ATL1: variants seen among roughly 807,000 people sequenced by gnomAD.
The protein encoded by ATL1 is atlastin-1.
A neutral mutation model predicts 75.5 loss-of-function variants in ATL1; 31 were observed. The ratio of observed to expected loss-of-function variants is 0.41; its 90% CI spans 0.31 to 0.55. The LOEUF is 0.55. ATL1 is among the 20% of genes least tolerant of loss of function. The pLI is 0.27. For missense variants in ATL1, 405 were observed against 662.6 expected, an observed-to-expected ratio of 0.61 and a Z score of 4.27; for synonymous variants, 226 against 233.3, an observed-to-expected ratio of 0.97 and a Z score of 0.28.
intron 1 of ATL1, among the ~76,000 whole-genome samples, chr14:50,547,700 G>A (rs922351897): frequency 6.6e-6 from 1 of 152,156 alleles, no homozygotes; most frequent in Non-Finnish European, 1.5e-5. Flanking sequence ...AAATGAGGTG[G>A]TGCTGCTTGT....
intron 8 of ATL1, among the ~76,000 whole-genome samples, chr14:50,617,042 A>G (rs1179586801): frequency 6.6e-6 from 1 of 152,206 alleles, no homozygotes; most frequent in Non-Finnish European, 1.5e-5. Context: ...TTGTTCTTTG[A>G]TAATAGTTTC....
In ATL1 at chr14:50,576,958, C is replaced by T. The variant is rs192036200; in HGVS notation, c.35-10873C>T. ...ATGAGTCGAGTACATAATATTTGTTCTTAGTAATACCCTGAAGTCCAATAT... is the reference window on the plus strand; with the variant it reads ...ATGAGTCGAGTACATAATATTTGTTTTTAGTAATACCCTGAAGTCCAATAT... On this transcript the variant is annotated intron_variant, in intron 1 of 13. Coordinates refer to ENST00000358385, the MANE Select transcript of ATL1 (RefSeq NM_015915.5). Among the ~76,000 whole-genome samples, 22 of 152,044 alleles carry T rather than the reference C, an allele frequency of 1.4e-4. No individual in the cohort carries two copies. In the East Asian group the frequency reaches 4.2e-3, roughly 29 times the overall value.
chr14:50,629,983 C>T lies in ATL1; in HGVS notation c.1552-12C>T. 1.3e-6 allele frequency: 2 copies of T among 1,588,926 alleles called. No individual in the cohort carries two copies. Among genetic ancestry groups the T allele is most frequent in the Non-Finnish European group, 1.7e-6 (2 of 1,163,448 alleles). The stretch of plus-strand genomic sequence containing the variant: ...ACTTTTCTTTTTTCTTTTTAATCTG[C>T]CTTTGCCACAGGGAAGTACAAATGA... On this transcript the variant is annotated splice_polypyrimidine_tract_variant and intron_variant, in intron 12 of 13. Coordinates refer to ENST00000358385, the MANE Select transcript of ATL1 (RefSeq NM_015915.5).
chr14:50,611,309 C>A (rs191189890), intron 6 of ATL1, among the ~76,000 whole-genome samples: 1 of 151,898 alleles, frequency 6.6e-6, no homozygotes, highest in East Asian at 1.9e-4. Context: ...AGTCCACCAA[C>A]TTCTAGTGTT....
upstream of ATL1, among the ~76,000 whole-genome samples, chr14:50,558,140 A>G (rs2038786451): frequency 2.0e-5 from 3 of 152,212 alleles, no homozygotes; most frequent in Admixed American, 1.3e-4. Flanking sequence ...TGAGGTGGGC[A>G]GATCGCTTGA....
At chr14:50,570,589 AT>A (rs935590539) in intron 1 of ATL1, among the ~76,000 whole-genome samples, 5 of 152,116 alleles carry the variant, frequency 3.3e-5, no homozygotes, top group African/African-American at 1.2e-4. Flanking sequence ...TTTTACTGAA[AT>A]TTGTATTTTG....
chr14:50,621,158 T>C (rs1007376263), intron 9 of ATL1, among the ~76,000 whole-genome samples: 2 of 152,158 alleles, frequency 1.3e-5, no homozygotes, highest in African/African-American at 4.8e-5. Context: ...CAATATGAAG[T>C]GGAATTATTT....
At chr14:50,561,276 G>T (rs1483513869) in intron 1 of ATL1, 2 of 152,254 alleles carry the variant, frequency 1.3e-5, no homozygotes, top group African/African-American at 4.8e-5. Flanking sequence ...CCGATTTCTT[G>T]CAGTCACAGT....
intron 1 of ATL1, among the ~76,000 whole-genome samples, chr14:50,535,292 C>G (rs934173803): frequency 6.6e-6 from 1 of 152,176 alleles, no homozygotes; most frequent in African/African-American, 2.4e-5. Flanking sequence ...ACATAAAATG[C>G]TTTATCTTAT....
Position 50,587,898 on chromosome 14 carries a change from A to T in ATL1, c.102A>T (p.Pro34=). 6.2e-7 allele frequency: 1 copy of T among 1,614,212 alleles called. No individual in the cohort carries two copies. Among genetic ancestry groups the T allele is most frequent in the Non-Finnish European group, 8.5e-7 (1 of 1,180,034 alleles). Residue 34 remains proline (P), a synonymous_variant, in exon 2 of 14, where the codon CCA becomes CCT. Transcript: ENST00000358385. The part of the protein sequence containing the change: ...EEEEPVKKAG[P]VQVLIVKDDH... ...AGGAGCCAGTGAAAAAGGCAGGACC[A>T]GTCCAAGTCCTCATTGTCAAAGATG... is the stretch of plus-strand genomic sequence containing the variant.
At position 50,608,190 on chromosome 14, in the gene ATL1, C is replaced by T. The variant is rs149957306; in HGVS notation, c.631-5069C>T. On this transcript the variant is annotated intron_variant, in intron 6 of 13. Transcript: ENST00000358385. The stretch of plus-strand genomic sequence containing the variant: ...TTTGTATTCTTGGTTTTTATCTCTA[C>T]CTATATTCATACGTGAGCAAATCAA... Among the ~76,000 whole-genome samples the T allele has an allele frequency of 5.3e-5, 8 of 152,060 alleles. No homozygotes were observed. In the East Asian group the frequency reaches 1.5e-3, roughly 29 times the overall value.
intron 1 of ATL1, among the ~76,000 whole-genome samples, chr14:50,544,032 A>T (rs1373528664): frequency 6.6e-6 from 1 of 152,232 alleles, no homozygotes; most frequent in Non-Finnish European, 1.5e-5. Context: ...TCTAACTACC[A>T]TGGGGAAATT....
intron 4 of ATL1, among the ~76,000 whole-genome samples, chr14:50,592,660 C>A (rs1015044016): frequency 2.0e-5 from 3 of 151,842 alleles, no homozygotes; most frequent in African/African-American, 7.2e-5. Flanking sequence ...GCCTGTAATC[C>A]CAGCACTTTG....
At chr14:50,574,785 T>C (rs192787683) in intron 1 of ATL1, among the ~76,000 whole-genome samples, 6 of 151,802 alleles carry the variant, frequency 4.0e-5, no homozygotes, top group African/African-American at 1.4e-4. Context: ...ACATTTAGAT[T>C]GTTTCCAATT....
intron 4 of ATL1, among the ~76,000 whole-genome samples, chr14:50,592,012 C>T (rs1000633191): frequency 2.0e-5 from 3 of 152,016 alleles, no homozygotes; most frequent in African/African-American, 7.2e-5. Flanking sequence ...AAATTTTGTT[C>T]TACATAGCCA....
chr14:50,629,582 C>A (rs1404745609), intron 12 of ATL1, among the ~76,000 whole-genome samples: 4 of 138,112 alleles, frequency 2.9e-5, no homozygotes, highest in Admixed American at 7.0e-5. Context: ...GCTCCATCTC[C>A]CAAAAAAAAA....
At chr14:50,603,349 T>G (rs913327016) in intron 6 of ATL1, among the ~76,000 whole-genome samples, 28 of 152,196 alleles carry the variant, frequency 1.8e-4, no homozygotes, top group African/African-American at 5.1e-4. Flanking sequence ...CTTACACAGA[T>G]ATTCAAATTA....
chr14:50,572,238 T>A (rs954077925), intron 1 of ATL1: 1 of 230,806 alleles, frequency 4.3e-6, no homozygotes, highest in African/African-American at 2.3e-5. Flanking sequence ...ACTAATTTTA[T>A]AAAATGAGTA....
chr14:50,577,520 C>T (rs1291571075), intron 1 of ATL1, among the ~76,000 whole-genome samples: 1 of 152,056 alleles, frequency 6.6e-6, no homozygotes, highest in Non-Finnish European at 1.5e-5. Context: ...CCACATAATT[C>T]ACCCACTTAA....
Sources: gnomAD v4.1 joint callset for allele counts (sites outside exome capture counted in the v4.1 genomes callset) on GRCh38, gnomAD v4.1.1 for gene constraint, MANE v1.5 for transcripts, NCBI Gene and HGNC (gene_info 2026-07-23, HGNC 2026-07-21) for gene names.